The following SLC25A26 variants were observed in gnomAD, a reference collection of about 807,000 sequenced individuals.
SLC25A26 encodes the protein mitochondrial S-adenosylmethionine carrier protein.
Under a neutral mutation model 37.8 loss-of-function variants are expected in SLC25A26, and 36 were observed. That is an observed-to-expected ratio of 0.95 (90% confidence interval 0.73 to 1.26). The LOEUF (loss-of-function observed/expected upper bound fraction) is 1.26. Among genes scored for constraint, SLC25A26 ranks in the 50% most tolerant of loss-of-function variants. SLC25A26 has a pLI of 0.00. For missense variants in SLC25A26, 390 were observed against 331.1 expected (o/e 1.18, Z -1.38); for synonymous variants, 129 against 122.5 (o/e 1.05, Z -0.35).
intron 5 of SLC25A26, among the ~76,000 whole-genome samples, chr3:66,308,894 C>T (rs1346717252): frequency 6.6e-6 from 1 of 152,136 alleles, no homozygotes; most frequent in Non-Finnish European, 1.5e-5. Context: ...CCTGCTTGAT[C>T]ATGGTGGATA....
At chr3:66,201,254 C>T (rs1239834736) in intron 1 of SLC25A26, among the ~76,000 whole-genome samples, 1 of 151,266 alleles carries the variant, frequency 6.6e-6, no homozygotes, top group Non-Finnish European at 1.5e-5. Context: ...TATGTAGTTA[C>T]ATATAGTTAT....
At chr3:66,271,460 C>T (rs944289936) in intron 5 of SLC25A26, among the ~76,000 whole-genome samples, 1 of 152,026 alleles carries the variant, frequency 6.6e-6, no homozygotes, top group Admixed American at 6.6e-5. Context: ...AGTTCTATTC[C>T]AGAACTATGA....
At chr3:66,287,993 C>G (rs76265002) in intron 5 of SLC25A26, among the ~76,000 whole-genome samples, 1,941 of 152,202 alleles carry the variant, frequency 0.013, 44 homozygotes, top group African/African-American at 0.043. Flanking sequence ...ATTTTTAGTT[C>G]ACCAGAAAAC....
At position 66,199,351 on chromosome 3, in the gene SLC25A26, C is replaced by G. The variant is rs1471712714; in HGVS notation, c.-353-21391C>G. ...CCCTCATCCTGACTTGGACTCTCAC[C>G]CCTACCCTTCCCTGAACAATGACTC... On this transcript the variant is annotated intron_variant, in intron 1 of 10. Coordinates refer to the SLC25A26 transcript ENST00000676754. 3.9e-5 allele frequency among the ~76,000 whole-genome samples: 6 copies of G among 151,916 alleles called. No individual in the cohort carries two copies. The East Asian group carries it at 1.2e-3, about 30-fold the overall frequency.
chr3:66,204,612 A>C (rs2071154215), intron 1 of SLC25A26, among the ~76,000 whole-genome samples: 2 of 152,178 alleles, frequency 1.3e-5, no homozygotes, highest in African/African-American at 4.8e-5. Context: ...CAGAAAAAGC[A>C]AGAACATTGT....
rs370905027 is a variant in SLC25A26 at position 66,152,503 on chromosome 3, C to A, written c.-354+18519C>A. ...TTTCTCTGTGATTCTCTTGGTGCTG[C>A]CCTCCTTGGAGTGTCCTTTTCATTT... On this transcript the variant is annotated intron_variant, in intron 1 of 10. Coordinates refer to the SLC25A26 transcript ENST00000676754. Among the ~76,000 whole-genome samples the A allele has an allele frequency of 7.2e-5, 11 of 152,286 alleles. No homozygotes were observed. The East Asian group carries it at 1.4e-3, about 19-fold the overall frequency.
At chr3:66,286,921 C>T (rs2074531853) in intron 5 of SLC25A26, among the ~76,000 whole-genome samples, 1 of 152,124 alleles carries the variant, frequency 6.6e-6, no homozygotes, top group Non-Finnish European at 1.5e-5. Context: ...ACACAGCCTC[C>T]TGAAGTGCTG....
chr3:66,146,544 TG>T (rs1191890482), intron 1 of SLC25A26, among the ~76,000 whole-genome samples: 2 of 152,068 alleles, frequency 1.3e-5, no homozygotes, highest in African/African-American at 2.4e-5. Flanking sequence ...TTTGTACATA[TG>T]GGGGGAAGAG....
At chr3:66,255,661 C>T (rs1301892215) in intron 3 of SLC25A26, among the ~76,000 whole-genome samples, 1 of 152,136 alleles carries the variant, frequency 6.6e-6, no homozygotes, top group Non-Finnish European at 1.5e-5. Flanking sequence ...AATGGATTTA[C>T]CAAGAGACCC....
intron 3 of SLC25A26, among the ~76,000 whole-genome samples, chr3:66,245,260 A>C (rs1445039046): frequency 6.6e-6 from 1 of 151,766 alleles, no homozygotes; most frequent in African/African-American, 2.4e-5. Context: ...TAAAAAAAAA[A>C]AAAAAAACAA....
intron 5 of SLC25A26, among the ~76,000 whole-genome samples, chr3:66,281,335 A>G (rs1576785501): frequency 6.6e-6 from 1 of 151,030 alleles, no homozygotes; most frequent in South Asian, 2.1e-4. Flanking sequence ...TTAAGAGGCA[A>G]TCTATGCGGT....
chr3:66,306,316 G>A (rs1015961223), intron 5 of SLC25A26, among the ~76,000 whole-genome samples: 1 of 152,166 alleles, frequency 6.6e-6, no homozygotes, highest in Non-Finnish European at 1.5e-5. Flanking sequence ...ATTGTGAATG[G>A]CGTGAGACGG....
intron 1 of SLC25A26, among the ~76,000 whole-genome samples, chr3:66,180,410 G>C (rs2070679859): frequency 6.6e-6 from 1 of 152,312 alleles, no homozygotes; most frequent in South Asian, 2.1e-4. Flanking sequence ...CAGAGCAACG[G>C]AAGTGATTTC....
At chr3:66,258,569 G>A (rs1379751964) in intron 3 of SLC25A26, among the ~76,000 whole-genome samples, 1 of 152,152 alleles carries the variant, frequency 6.6e-6, no homozygotes, top group Non-Finnish European at 1.5e-5. Context: ...TATAATGTAA[G>A]ATGCAGGTGA....
chr3:66,326,574 T>G, intron 5 of SLC25A26, among the ~76,000 whole-genome samples: 1 of 152,206 alleles, frequency 6.6e-6, no homozygotes, highest in East Asian at 1.9e-4. Flanking sequence ...TGGCATGTGC[T>G]CCACGGGAGA....
chr3:66,297,328 CAAAAAAA>C (rs34315256), intron 5 of SLC25A26, among the ~76,000 whole-genome samples: 1 of 106,414 alleles, frequency 9.4e-6, no homozygotes. Context: ...AACTCCATCT[CAAAAAAA>C]AAAAAAAAAA....
At chr3:66,172,156 A>G (rs972956196) in intron 1 of SLC25A26, among the ~76,000 whole-genome samples, 1 of 152,146 alleles carries the variant, frequency 6.6e-6, no homozygotes, top group African/African-American at 2.4e-5. Context: ...CACACCTGTA[A>G]TCTTAGCACT....
intron 5 of SLC25A26, among the ~76,000 whole-genome samples, chr3:66,275,076 A>C (rs1396713282): frequency 1.3e-5 from 2 of 152,128 alleles, no homozygotes; most frequent in East Asian, 1.9e-4. Flanking sequence ...CAGCCATAAA[A>C]AATGATGAGT....
At chr3:66,249,853 C>G (rs2073010556) in intron 3 of SLC25A26, among the ~76,000 whole-genome samples, 1 of 152,158 alleles carries the variant, frequency 6.6e-6, no homozygotes, top group Non-Finnish European at 1.5e-5. Context: ...TAGTGTATGA[C>G]TATTACCAGG....
Sources: allele counts gnomAD v4.1 joint callset (sites outside exome capture counted in the v4.1 genomes callset), GRCh38; gene constraint gnomAD v4.1.1; transcripts MANE v1.5; gene names NCBI Gene and HGNC (gene_info 2026-07-23, HGNC 2026-07-21).